Variants in SORCS2 observed in about 807,000 individuals in gnomAD.
SORCS2 encodes VPS10 domain-containing receptor SorCS2.
Under a neutral mutation model 141.6 loss-of-function variants are expected in SORCS2, and 100 were observed. The ratio of observed to expected loss-of-function variants is 0.71; its 90% confidence interval spans 0.60 to 0.83. The LOEUF is 0.83. Ranked by LOEUF, SORCS2 falls within the 40% of genes least tolerant of loss-of-function variation. The probability of loss-of-function intolerance (pLI) is 0.00; values close to 1 mark genes in which losing one functional copy is unlikely to be tolerated. For synonymous variants in SORCS2, 789 were observed against 676.9 expected (o/e 1.17, Z -2.57); for missense variants, 1,646 against 1,560.2 (o/e 1.05, Z -0.93).
At chr4:7,583,000 T>C (rs1044672927) in intron 3 of SORCS2, among the ~76,000 whole-genome samples, 1 of 142,622 alleles carries the variant, frequency 7.0e-6, no homozygotes, top group Non-Finnish European at 1.6e-5. Flanking sequence ...TAGTAGCTGT[T>C]CAATTCACAT....
intron 1 of SORCS2, among the ~76,000 whole-genome samples, chr4:7,264,701 AG>A (rs1714603055): frequency 6.6e-6 from 1 of 152,206 alleles, no homozygotes; most frequent in Non-Finnish European, 1.5e-5. Flanking sequence ...GGGAGCAGGC[AG>A]GGGCTGGCCT....
intron 12 of SORCS2, among the ~76,000 whole-genome samples, chr4:7,699,817 C>A (rs1478488609): frequency 6.6e-6 from 1 of 152,208 alleles, no homozygotes; most frequent in Non-Finnish European, 1.5e-5. Context: ...CTCAGATGTT[C>A]CCCGAGACAG....
At chr4:7,727,018 G>T in intron 21 of SORCS2, 115 bp downstream of exon 21, 1 of 1,316,190 alleles carries the variant, frequency 7.6e-7, no homozygotes, top group Non-Finnish European at 1.0e-6. Flanking sequence ...GAGTGGCCCT[G>T]GGGTGGGGAG....
intron 2 of SORCS2, among the ~76,000 whole-genome samples, chr4:7,410,692 A>G (rs1005876575): frequency 1.3e-5 from 2 of 152,112 alleles, no homozygotes; most frequent in African/African-American, 4.8e-5. Flanking sequence ...CACCATGGAG[A>G]TCTGAGTTTG....
rs190465839 is a variant in SORCS2 at position 7,231,387 on chromosome 4, C to A, written c.480+38261C>A. On this transcript the variant is annotated intron_variant, in intron 1 of 26. Transcript: ENST00000507866. Reference sequence around the variant, plus strand: ...ATTCAAATACACCCCTGCAGAAATACCCAGAATAATGTTTGACCAAATATC... The same window carrying A: ...ATTCAAATACACCCCTGCAGAAATAACCAGAATAATGTTTGACCAAATATC... Among the ~76,000 whole-genome samples, 391 of 152,318 alleles carry A rather than the reference C, an allele frequency of 2.6e-3. 4 individuals are homozygous for A. Among genetic ancestry groups the A allele is most frequent in the Middle Eastern group, 0.01 (3 of 294 alleles).
At chr4:7,222,296 T>C (rs1443566580) in intron 1 of SORCS2, among the ~76,000 whole-genome samples, 1 of 152,168 alleles carries the variant, frequency 6.6e-6, no homozygotes, top group African/African-American at 2.4e-5. Context: ...GGTAGAATAT[T>C]ATTCAGCCAT....
intron 3 of SORCS2, among the ~76,000 whole-genome samples, chr4:7,611,302 G>A (rs985193455): frequency 6.6e-6 from 1 of 152,230 alleles, no homozygotes; most frequent in African/African-American, 2.4e-5. Flanking sequence ...AAGGAGTGTA[G>A]ACCATGAAGC....
At chr4:7,323,074 CATAA>C (rs1442675753) in intron 1 of SORCS2, among the ~76,000 whole-genome samples, 4 of 152,168 alleles carry the variant, frequency 2.6e-5, no homozygotes, top group Non-Finnish European at 5.9e-5. Context: ...TGCATTATTA[CATAA>C]GTATCACTCA....
At chr4:7,316,158 C>T (rs1363784244) in intron 1 of SORCS2, among the ~76,000 whole-genome samples, 1 of 151,622 alleles carries the variant, frequency 6.6e-6, no homozygotes, top group Non-Finnish European at 1.5e-5. Context: ...TTCATCCATC[C>T]ATCTATCCCT....
chr4:7,386,575 TGCACACACATACACATTTGCACACACGC>T (rs1723347586), intron 1 of SORCS2, among the ~76,000 whole-genome samples: 1 of 106,708 alleles, frequency 9.4e-6, no homozygotes, highest in Middle Eastern at 5.8e-3. Context: ...TGCACACACA[TGCACACACATACACATTTGCACACACGC>T]ACACATATGC....
At chr4:7,475,057 C>G (rs1730206340) in intron 2 of SORCS2, among the ~76,000 whole-genome samples, 3 of 152,226 alleles carry the variant, frequency 2.0e-5, no homozygotes, top group African/African-American at 7.2e-5. Context: ...CTCCTCTTAA[C>G]TTGGTTCCAT....
intron 1 of SORCS2, among the ~76,000 whole-genome samples, chr4:7,306,370 G>T (rs1717834565): frequency 6.6e-6 from 1 of 152,012 alleles, no homozygotes; most frequent in African/African-American, 2.4e-5. Flanking sequence ...GTGGGGGTGG[G>T]TGTGTAGCAG....
At chr4:7,385,708 G>A (rs905923905) in intron 1 of SORCS2, among the ~76,000 whole-genome samples, 1 of 152,222 alleles carries the variant, frequency 6.6e-6, no homozygotes, top group Non-Finnish European at 1.5e-5. Context: ...CATGTGGTGA[G>A]GGACAGACGC....
At chr4:7,491,435 G>T (rs552516938) in intron 2 of SORCS2, among the ~76,000 whole-genome samples, 1 of 152,338 alleles carries the variant, frequency 6.6e-6, no homozygotes, top group Non-Finnish European at 1.5e-5. Context: ...TCTGCAGGCA[G>T]GTGCAGCGGC....
intron 2 of SORCS2, among the ~76,000 whole-genome samples, chr4:7,467,488 A>G (rs1033611121): frequency 2.0e-5 from 3 of 152,206 alleles, no homozygotes; most frequent in African/African-American, 7.2e-5. Flanking sequence ...GTCAAGTGAC[A>G]TCTCATTCAT....
At chr4:7,557,419 A>T (rs1714216196) in intron 3 of SORCS2, among the ~76,000 whole-genome samples, 1 of 152,232 alleles carries the variant, frequency 6.6e-6, no homozygotes, top group South Asian at 2.1e-4. Context: ...TCTAAATTAC[A>T]TAAGGATAAG....
chr4:7,674,308 G>A lies in SORCS2; in HGVS notation c.1162-1742G>A, dbSNP rs559739873. ...AAAATAGCAACACTCGGCCGGGCGC[G>A]GTGGCTCACGCCTGTAATCCCAGCA... is the stretch of plus-strand genomic sequence containing the variant. On this transcript the variant is annotated intron_variant, in intron 8 of 26. Transcript: ENST00000507866. 6.6e-5 allele frequency among the ~76,000 whole-genome samples: 10 copies of A among 152,076 alleles called. No homozygotes were observed. The East Asian group carries it at 9.7e-4, about 15-fold the overall frequency.
At chr4:7,596,287 G>T (rs980290666) in intron 3 of SORCS2, among the ~76,000 whole-genome samples, 1 of 152,190 alleles carries the variant, frequency 6.6e-6, no homozygotes, top group South Asian at 2.1e-4. Context: ...AGCTTGGCTG[G>T]CATGGTAGAC....
intron 3 of SORCS2, among the ~76,000 whole-genome samples, chr4:7,540,153 CCCCTGCCTCT>C (rs1270266272): frequency 2.4e-4 from 14 of 58,438 alleles, no homozygotes; most frequent in East Asian, 1.4e-3. Flanking sequence ...CCCCTCCCCG[CCCCTGCCTCT>C]CCCTGCCCCT....
Sources: gnomAD v4.1 joint callset for allele counts (sites outside exome capture counted in the v4.1 genomes callset) on GRCh38, gnomAD v4.1.1 for gene constraint, MANE v1.5 for transcripts, NCBI Gene and HGNC (gene_info 2026-07-23, HGNC 2026-07-21) for gene names.